The following AFM variants were observed in gnomAD, a reference collection of about 807,000 sequenced individuals.
AFM encodes the protein alpha-Alb.
AFM carries 82 observed loss-of-function variants against 68.7 expected under a neutral mutation model. That is an observed-to-expected ratio of 1.19 (90% CI 1.00 to 1.43). The LOEUF (loss-of-function observed/expected upper bound fraction) is 1.43. Ranked by LOEUF, AFM falls within the 40% of genes most tolerant of loss-of-function variation. The pLI, the probability that AFM is intolerant of heterozygous loss-of-function variation, is 0.00. For missense variants in AFM, 772 were observed against 701.8 expected (o/e 1.10, Z -1.13); for synonymous variants, 250 against 234.2 (o/e 1.07, Z -0.61).
At chr4:73,491,757 AT>A in intron 7 of AFM, 114 bp from the exon 8 acceptor site, 2 of 888,760 alleles carry the variant, frequency 2.3e-6, no homozygotes, top group Non-Finnish European at 3.6e-6. Flanking sequence ...TAGCAAATTA[AT>A]TGATGAAGTG....
In AFM at chr4:73,481,844, C is replaced by T; in HGVS notation, c.69C>T (p.Pro23=). Residue 23 remains proline (P), a synonymous_variant, in exon 1 of 15, where the codon CCC becomes CCT. Coordinates refer to ENST00000226355, the MANE Select transcript of AFM (RefSeq NM_001133.2). ...LFFLTESLTL[P]TQPRDIENFN... ...TTTTGACTGAATCCCTAACCCTGCC[C>T]ACACAACCTCGGGATATAGGTAAGA... The T allele has an allele frequency of 6.2e-7, 1 of 1,605,950 alleles. No homozygotes were observed. The highest frequency in any genetic ancestry group is 8.5e-7 in the Non-Finnish European group (1 of 1,175,310).
chr4:73,488,933 T>C (rs972854027), intron 7 of AFM, among the ~76,000 whole-genome samples, 174 bp downstream of exon 7: 1 of 152,174 alleles, frequency 6.6e-6, no homozygotes, highest in African/African-American at 2.4e-5. Context: ...AACCTTGGGA[T>C]TTTTTATACT....
intron 9 of AFM, among the ~76,000 whole-genome samples, chr4:73,496,123 A>G (rs373221386): frequency 6.6e-6 from 1 of 152,310 alleles, no homozygotes; most frequent in East Asian, 1.9e-4. Flanking sequence ...ATTCTCTCAC[A>G]AGAGGCCAGA....
At chr4:73,503,142 T>G in intron 14 of AFM, 32 bp downstream of exon 14, 1 of 1,514,686 alleles carries the variant, frequency 6.6e-7, no homozygotes, top group Non-Finnish European at 9.2e-7. Context: ...AAATGTCAAA[T>G]GTATTTGTGG....
At chr4:73,485,590 AGAAGAGGAAGAG>A (rs144414208) in intron 3 of AFM, among the ~76,000 whole-genome samples, 13 of 137,510 alleles carry the variant, frequency 9.5e-5, no homozygotes, top group South Asian at 7.6e-4. Flanking sequence ...AAGGAGAAGG[AGAAGAGGAAGAG>A]GAAGAGGAAG....
chr4:73,483,873 A>G (rs1720780652), intron 1 of AFM, 68 bp from the exon 2 acceptor site: 3 of 1,302,164 alleles, frequency 2.3e-6, no homozygotes, highest in African/African-American at 1.5e-5. Context: ...AATGCCATGT[A>G]TAGTTATTTA....
At chr4:73,494,191 A>G (rs1257277812) in intron 8 of AFM, among the ~76,000 whole-genome samples, 1 of 152,116 alleles carries the variant, frequency 6.6e-6, no homozygotes, top group Non-Finnish European at 1.5e-5. Context: ...ATATGGGAAT[A>G]TATCTCACAA....
At position 73,501,969 on chromosome 4, in the gene AFM, T is replaced by C. The variant is rs965652536; in HGVS notation, c.1779+50T>C. On this transcript the variant is annotated intron_variant, in intron 13 of 14. Coordinates refer to ENST00000226355, the MANE Select transcript of AFM (RefSeq NM_001133.2). ...AATTCAACTGGTTTTCCTGGTCAAA[T>C]AAAATAAAACAGAACCCTGCAGGAC... 3.1e-6 allele frequency: 5 copies of C among 1,596,374 alleles called. No homozygotes were observed. In the African/African-American group the frequency reaches 6.7e-5, roughly 22 times the overall value.
intron 7 of AFM, among the ~76,000 whole-genome samples, chr4:73,491,039 T>A (rs1026130090): frequency 8.5e-5 from 13 of 152,154 alleles, no homozygotes; most frequent in Non-Finnish European, 1.5e-5. Flanking sequence ...CTTGAAATAG[T>A]CTAGTGTGTT....
rs913792998 is a variant in AFM, at chr4:73,500,139, G to A, written c.1558G>A (p.Val520Met). ...GAGTTTGAAAGCTGATAAAACATAT[G>A]TGCCTCCACCTTTCTCTCAAGATTT... ...FESLKADKTYVPPPFSQDLFT... is the reference protein window; with the variant it reads ...FESLKADKTYMPPPFSQDLFT... Residue 520 changes from valine (V) to methionine (M), a missense_variant, in exon 12 of 15, where the codon GTG (valine) becomes ATG (methionine). Transcript: ENST00000226355. 2.5e-6 allele frequency: 4 copies of A among 1,613,900 alleles called. No individual in the cohort carries two copies. Among genetic ancestry groups the A allele is most frequent in the Admixed American group, 3.3e-5 (2 of 59,942 alleles).
At chr4:73,493,871 A>T (rs1043411097) in intron 8 of AFM, among the ~76,000 whole-genome samples, 2 of 152,228 alleles carry the variant, frequency 1.3e-5, no homozygotes, top group African/African-American at 2.4e-5. Flanking sequence ...TCACTATTAC[A>T]ACATAAAAAG....
intron 7 of AFM, 94 bp downstream of exon 7, chr4:73,488,853 C>T: frequency 8.5e-7 from 1 of 1,169,780 alleles, no homozygotes. Flanking sequence ...TACTTTGCCA[C>T]AATGAAATCA....
chr4:73,502,979 G>T, intron 13 of AFM, 71 bp from the exon 14 acceptor site: 21 of 1,354,620 alleles, frequency 1.6e-5, no homozygotes, highest in Non-Finnish European at 2.1e-5. Context: ...AGGAAAACAT[G>T]CTTATCTAAA....
At chr4:73,487,355 G>C (rs908619520) in intron 5 of AFM, among the ~76,000 whole-genome samples, 1 of 152,152 alleles carries the variant, frequency 6.6e-6, no homozygotes, top group South Asian at 2.1e-4. Context: ...GGAAGCCCTG[G>C]TGAGTGAATG....
At chr4:73,488,971 T>C (rs1720993087) in intron 7 of AFM, among the ~76,000 whole-genome samples, 1 of 152,214 alleles carries the variant, frequency 6.6e-6, no homozygotes, top group South Asian at 2.1e-4. Flanking sequence ...ACTGAATAGA[T>C]TGTATATTAT....
intron 3 of AFM, among the ~76,000 whole-genome samples, chr4:73,484,673 C>A (rs1720841277): frequency 6.6e-6 from 1 of 151,648 alleles, no homozygotes; most frequent in Non-Finnish European, 1.5e-5. Flanking sequence ...TAGCTGGGAT[C>A]ACAGGCATGC....
rs140032004 is a variant in AFM at position 73,498,106 on chromosome 4, T to C, written c.1289+357T>C. Among the ~76,000 whole-genome samples the C allele has an allele frequency of 7.2e-5, 11 of 152,314 alleles. No homozygotes were observed. The East Asian group carries it at 2.1e-3, about 29-fold the overall frequency. On this transcript the variant is annotated intron_variant, in intron 10 of 14. Transcript: ENST00000226355. ...CAGTTTCTTTGGGGAAGAGATAGTTTGCCTTGCCTTGCCTTACGGCTATCT... is the reference window on the plus strand; with the variant it reads ...CAGTTTCTTTGGGGAAGAGATAGTTCGCCTTGCCTTGCCTTACGGCTATCT...
chr4:73,488,036 G>T (rs995459893), intron 6 of AFM, among the ~76,000 whole-genome samples: 8 of 151,922 alleles, frequency 5.3e-5, no homozygotes, highest in Non-Finnish European at 7.4e-5. Context: ...ATGGTGGCTG[G>T]GTCTGAGACA....
chr4:73,502,080 A>G (rs977661065), intron 13 of AFM, among the ~76,000 whole-genome samples, 161 bp downstream of exon 13: 3 of 152,216 alleles, frequency 2.0e-5, no homozygotes, highest in Non-Finnish European at 4.4e-5. Context: ...TCTGAAATAC[A>G]CTTTGAGCAG....
Sources: gnomAD v4.1 joint callset for allele counts (sites outside exome capture counted in the v4.1 genomes callset) on GRCh38, gnomAD v4.1.1 for gene constraint, MANE v1.5 for transcripts, NCBI Gene and HGNC (gene_info 2026-07-23, HGNC 2026-07-21) for gene names.